PCDHA9: variants seen among roughly 807,000 people sequenced by gnomAD.
PCDHA9 encodes the protein protocadherin alpha 9, also known as protocadherin alpha-9.
In PCDHA9, 62 loss-of-function variants were observed where a neutral mutation model predicts 62.0. That is an observed-to-expected ratio of 1.00 (90% CI 0.81 to 1.23). The LOEUF is 1.23. Among genes scored for constraint, PCDHA9 ranks in the 50% most tolerant of loss-of-function variants. The probability of loss-of-function intolerance (pLI) is 0.00; values close to 1 mark genes in which losing one functional copy is unlikely to be tolerated. For missense variants in PCDHA9, 1,205 were observed against 1,249.8 expected (o/e 0.96, Z 0.54); for synonymous variants, 557 against 567.6 (o/e 0.98, Z 0.27).
At chr5:140,944,928 C>A (rs1554216614) in intron 1 of PCDHA9, among the ~76,000 whole-genome samples, 1 of 152,074 alleles carries the variant, frequency 6.6e-6, no homozygotes, top group Non-Finnish European at 1.5e-5. Flanking sequence ...TTGGTTTATG[C>A]CTTCTTTAGA....
Position 140,849,189 on chromosome 5 carries a change from G to C in PCDHA9, c.694G>C (p.Val232Leu). The change falls in exon 1 of 4, where the codon GTA becomes CTA. Residue 232 changes from valine (V) to leucine (L), a missense_variant. Val to Leu is a conservative substitution (Grantham distance 32, BLOSUM62 1). Around this residue, in one of 3 missense-constraint regions of PCDHA9, gnomAD observed 110 missense variants for 227.2 expected, o/e 0.48. Coordinates refer to ENST00000532602, the MANE Select transcript of PCDHA9 (RefSeq NM_031857.2). ...LTGTVQLLIT[V>L]LDNNDNAPVF... ...TGGCACCGTTCAATTACTCATCACG[G>C]TACTGGACAACAATGACAATGCCCC... 9.5e-7 allele frequency: 1 copy of C among 1,056,674 alleles called. No homozygotes were observed. Among genetic ancestry groups the C allele is most frequent in the Non-Finnish European group, 1.3e-6 (1 of 752,262 alleles). 65.5% of individuals were successfully genotyped at this position (1,056,674 alleles called of 1,614,324 possible).
chr5:140,927,814 G>GCATA (rs1554205103), intron 1 of PCDHA9: 1 of 1,614,172 alleles, frequency 6.2e-7, no homozygotes, highest in Non-Finnish European at 8.5e-7. Context: ...GCTCTTGGAG[G>GCATA]CATACATTGA....
Position 140,850,341 on chromosome 5 carries a change from G to A in PCDHA9, c.1846G>A (p.Ala616Thr). The A allele has an allele frequency of 6.3e-7, 1 of 1,597,748 alleles. No individual in the cohort carries two copies. ...WLSYELQPET[A>T]SASIPFRVGL... ...TTCATACGAGCTGCAGCCAGAAACG[G>A]CCAGCGCGAGCATCCCGTTCCGCGT... The change falls in exon 1 of 4, where the codon GCC becomes ACC. Residue 616 changes from alanine (A) to threonine (T), a missense_variant. Coordinates refer to ENST00000532602, the MANE Select transcript of PCDHA9 (RefSeq NM_031857.2).
chr5:141,002,356 C>G (rs2098075572), intron 3 of PCDHA9, among the ~76,000 whole-genome samples: 1 of 152,272 alleles, frequency 6.6e-6, no homozygotes, highest in Non-Finnish European at 1.5e-5. Flanking sequence ...CACCTCCACT[C>G]CTTTCAACTC....
In PCDHA9 at chr5:140,968,374, C is replaced by T. The variant is rs782537254; in HGVS notation, c.2395-10575C>T. On this transcript the variant is annotated intron_variant, in intron 1 of 3. Coordinates refer to ENST00000532602, the MANE Select transcript of PCDHA9 (RefSeq NM_031857.2). ...GTGGCAGCCTTTATGCTGTCAACTC[C>T]TTTGACTATGAGAAGTTTCGGGAGT... is the stretch of plus-strand genomic sequence containing the variant. 5.0e-6 allele frequency: 8 copies of T among 1,614,064 alleles called. No homozygotes were observed. The Admixed American group carries it at 1.0e-4, about 20-fold the overall frequency.
chr5:140,917,806 A>G (rs921651411), intron 1 of PCDHA9, among the ~76,000 whole-genome samples: 45 of 151,888 alleles, frequency 3.0e-4, no homozygotes, highest in Admixed American at 2.9e-3. Context: ...GCCTTGCAGT[A>G]TAGTTGAAGT....
At chr5:140,944,608 G>T (rs2093673405) in intron 1 of PCDHA9, among the ~76,000 whole-genome samples, 1 of 152,176 alleles carries the variant, frequency 6.6e-6, no homozygotes, top group Non-Finnish European at 1.5e-5. Context: ...AGAGTAGTGT[G>T]CTGTAGAAGT....
chr5:140,951,889 G>A (rs2094649080), intron 1 of PCDHA9, among the ~76,000 whole-genome samples: 1 of 152,142 alleles, frequency 6.6e-6, no homozygotes, highest in Non-Finnish European at 1.5e-5. Flanking sequence ...ACTCTCTTCT[G>A]CCTATGAGCC....
At chr5:140,876,215 A>G in intron 1 of PCDHA9, 1 of 1,614,008 alleles carries the variant, frequency 6.2e-7, no homozygotes, top group South Asian at 1.1e-5. Context: ...CCCAGCTATA[A>G]AGTAGTGTTG....
chr5:140,967,955 A>C (rs1422637534), intron 1 of PCDHA9: 5 of 1,614,078 alleles, frequency 3.1e-6, no homozygotes, highest in Non-Finnish European at 4.2e-6. Flanking sequence ...CTCAGGCCCC[A>C]ACCGGAAAGT....
At chr5:140,903,614 T>C (rs1583498055) in intron 1 of PCDHA9, among the ~76,000 whole-genome samples, 1 of 152,204 alleles carries the variant, frequency 6.6e-6, no homozygotes, top group Non-Finnish European at 1.5e-5. Flanking sequence ...TACACATGAA[T>C]GTGCATGCAT....
intron 1 of PCDHA9, chr5:140,969,215 C>T: frequency 6.2e-7 from 1 of 1,614,128 alleles, no homozygotes; most frequent in East Asian, 2.2e-5. Flanking sequence ...CCAGACAGGA[C>T]CAGGGCCTTC....
rs2150463409 is a variant in PCDHA9 at position 140,850,016 on chromosome 5, C to G, written c.1521C>G (p.Tyr507Ter). Residue 507 changes from tyrosine (Y) to a stop codon, truncating the protein, a stop_gained, in exon 1 of 4, where the codon TAC (tyrosine) becomes TAG (stop). Transcript: ENST00000532602. LOFTEE classifies it high-confidence loss of function. Reference protein sequence around the residue: ...RRLGERSLSSYVSVHAESGKV... With the variant: ...RRLGERSLSS ...TGGGCGAGCGCTCGCTGTCGAGCTA[C>G]GTGTCAGTGCACGCGGAGAGCGGCA... The G allele has an allele frequency of 2.5e-5, 40 of 1,596,912 alleles. 3 individuals are homozygous for G. The South Asian group carries it at 4.1e-4, about 16-fold the overall frequency.
Position 140,881,064 on chromosome 5 carries a change from T to C in PCDHA9, c.2394+30175T>C, listed in dbSNP as rs191524582. On this transcript the variant is annotated intron_variant, in intron 1 of 3. Transcript: ENST00000532602. ...AGAGTTGTGCACAGAACAGGCCAGA[T>C]AATTATTGGAGCTATGATATATTTT... Among the ~76,000 whole-genome samples, 392 of 152,302 alleles carry C rather than the reference T, an allele frequency of 2.6e-3. 1 individual carries two copies. The highest frequency in any genetic ancestry group is 9.1e-3 in the African/African-American group (379 of 41,556).
chr5:140,898,035 TG>T (rs1376690690), intron 1 of PCDHA9, among the ~76,000 whole-genome samples: 1 of 152,120 alleles, frequency 6.6e-6, no homozygotes, highest in Non-Finnish European at 1.5e-5. Flanking sequence ...TTGATGGGGT[TG>T]TTTGTTTTTT....
chr5:140,881,995 T>C, intron 1 of PCDHA9: 1 of 464,062 alleles, frequency 2.2e-6, no homozygotes, highest in Middle Eastern at 5.9e-4. Flanking sequence ...TGTCAGGAAA[T>C]GCAAGGGGCA....
chr5:140,984,042 T>C (rs2097082521), intron 3 of PCDHA9, among the ~76,000 whole-genome samples: 1 of 152,148 alleles, frequency 6.6e-6, no homozygotes, highest in Non-Finnish European at 1.5e-5. Flanking sequence ...ATAAAATAGT[T>C]CATTGACAAA....
At chr5:140,884,194 G>C in intron 1 of PCDHA9, 1 of 1,613,402 alleles carries the variant, frequency 6.2e-7, no homozygotes, top group Non-Finnish European at 8.5e-7. Flanking sequence ...AGGTGGACGC[G>C]CCGCACCACC....
chr5:140,884,504 G>A (rs782001863), intron 1 of PCDHA9: 5 of 1,614,180 alleles, frequency 3.1e-6, no homozygotes, highest in Admixed American at 3.3e-5. Flanking sequence ...CAGCGCGGCA[G>A]GGAGTTGGTC....
Sources: allele counts gnomAD v4.1 joint callset (sites outside exome capture counted in the v4.1 genomes callset), GRCh38; gene constraint gnomAD v4.1.1; regional missense constraint gnomAD v4.1.1; transcripts MANE v1.5; gene names NCBI Gene and HGNC (gene_info 2026-07-23, HGNC 2026-07-21).